RAPGEF5: variants seen among roughly 807,000 people sequenced by gnomAD.
The protein encoded by RAPGEF5 is M-Ras-regulated GEF.
Under a neutral mutation model 125.2 loss-of-function variants are expected in RAPGEF5, and 65 were observed. That is an observed-to-expected ratio of 0.52 (90% confidence interval 0.43 to 0.64). The LOEUF is 0.64. Ranked by LOEUF, RAPGEF5 falls within the 30% of genes least tolerant of loss-of-function variation. RAPGEF5 has a pLI of 0.00. For missense variants in RAPGEF5, 958 were observed against 1,048.1 expected (o/e 0.91, Z 1.19); for synonymous variants, 391 against 385.9 (o/e 1.01, Z -0.16).
intron 7 of RAPGEF5, among the ~76,000 whole-genome samples, chr7:22,239,876 G>A (rs1027916975): frequency 3.9e-5 from 6 of 151,968 alleles, no homozygotes; most frequent in Non-Finnish European, 7.4e-5. Context: ...CCAGTAGCCC[G>A]TTTCATTGCC....
intron 6 of RAPGEF5, among the ~76,000 whole-genome samples, chr7:22,275,734 C>G (rs998996203): frequency 3.3e-5 from 5 of 152,100 alleles, no homozygotes; most frequent in African/African-American, 4.8e-5. Flanking sequence ...GTTCATGTCA[C>G]CTGGGAGTTG....
chr7:22,159,652 G>A (rs897986753), intron 14 of RAPGEF5, among the ~76,000 whole-genome samples: 25 of 152,142 alleles, frequency 1.6e-4, no homozygotes, highest in Admixed American at 2.6e-4. Flanking sequence ...GGGACTTAAT[G>A]GTAATATCGC....
chr7:22,274,149 T>C (rs1415550961), intron 6 of RAPGEF5, among the ~76,000 whole-genome samples: 2 of 152,178 alleles, frequency 1.3e-5, no homozygotes, highest in Non-Finnish European at 2.9e-5. Context: ...AAGACTTTGA[T>C]GTCCCTTAGT....
chr7:22,212,034 T>G (rs1218954072), intron 9 of RAPGEF5, among the ~76,000 whole-genome samples: 1 of 146,472 alleles, frequency 6.8e-6, no homozygotes, highest in Non-Finnish European at 1.5e-5. Flanking sequence ...TGGCACAATC[T>G]CGGCTCACCA....
chr7:22,191,736 G>C, intron 11 of RAPGEF5: 2 of 459,338 alleles, frequency 4.4e-6, no homozygotes, highest in Admixed American at 2.4e-5. Context: ...CAATAATAAG[G>C]GTGATTTGTC....
chr7:22,145,665 G>A (rs1783411325), intron 19 of RAPGEF5, among the ~76,000 whole-genome samples: 1 of 152,156 alleles, frequency 6.6e-6, no homozygotes. Flanking sequence ...AGGATCACCT[G>A]GAGGACTGCT....
At chr7:22,160,684 A>G in intron 13 of RAPGEF5, 69 bp from the exon 14 acceptor site, 1 of 1,429,784 alleles carries the variant, frequency 7.0e-7, no homozygotes, top group Non-Finnish European at 9.1e-7. Context: ...GACTCATACC[A>G]TGGCTATCCT....
intron 6 of RAPGEF5, among the ~76,000 whole-genome samples, chr7:22,274,949 G>A (rs1048320621): frequency 9.9e-5 from 15 of 152,058 alleles, no homozygotes; most frequent in African/African-American, 3.6e-4. Flanking sequence ...CTTCTGGTCG[G>A]GTCTTCAGTA....
chr7:22,245,809 C>T (rs1291881350), intron 7 of RAPGEF5, among the ~76,000 whole-genome samples: 2 of 152,096 alleles, frequency 1.3e-5, no homozygotes, highest in South Asian at 4.1e-4. Context: ...AAAACTATCT[C>T]TCTTCACTGA....
intron 25 of RAPGEF5, among the ~76,000 whole-genome samples, chr7:22,123,804 T>C (rs1282475815): frequency 2.0e-5 from 3 of 152,226 alleles, no homozygotes; most frequent in Non-Finnish European, 4.4e-5. Context: ...GATAACACGA[T>C]GCTACAAAGG....
chr7:22,190,408 G>A (rs1784956624), intron 11 of RAPGEF5, among the ~76,000 whole-genome samples: 1 of 152,226 alleles, frequency 6.6e-6, no homozygotes, highest in African/African-American at 2.4e-5. Flanking sequence ...TACATAGTAG[G>A]TGTGTGCGAG....
At chr7:22,189,141 A>C (rs1171286876) in intron 11 of RAPGEF5, among the ~76,000 whole-genome samples, 1 of 149,930 alleles carries the variant, frequency 6.7e-6, no homozygotes, top group Non-Finnish European at 1.5e-5. Flanking sequence ...TATTCCTACT[A>C]TTCTATTCTC....
intron 6 of RAPGEF5, among the ~76,000 whole-genome samples, chr7:22,277,080 C>T (rs1195013890): frequency 6.6e-6 from 1 of 152,200 alleles, no homozygotes; most frequent in African/African-American, 2.4e-5. Flanking sequence ...GAGGCTGAAG[C>T]ATTTCAGTGA....
chr7:22,290,313 A>G (rs775007560), intron 6 of RAPGEF5, among the ~76,000 whole-genome samples: 5 of 152,244 alleles, frequency 3.3e-5, no homozygotes, highest in African/African-American at 1.2e-4. Flanking sequence ...GTCAATAGGT[A>G]CAAGTTTGGT....
At chr7:22,205,440 C>T (rs1288660322) in intron 9 of RAPGEF5, among the ~76,000 whole-genome samples, 2 of 152,188 alleles carry the variant, frequency 1.3e-5, no homozygotes, top group African/African-American at 2.4e-5. Context: ...TCAAACCACC[C>T]ACAATTTCCT....
intron 6 of RAPGEF5, among the ~76,000 whole-genome samples, chr7:22,288,260 T>C (rs1583550803): frequency 6.6e-6 from 1 of 152,240 alleles, no homozygotes; most frequent in East Asian, 1.9e-4. Context: ...TCTACTCGGG[T>C]CTTCAATCTG....
chr7:22,271,291 A>G (rs1782413173), intron 6 of RAPGEF5, among the ~76,000 whole-genome samples: 1 of 152,210 alleles, frequency 6.6e-6, no homozygotes, highest in Non-Finnish European at 1.5e-5. Context: ...TATTGCATCC[A>G]GGGTGAGAAA....
Position 22,244,011 on chromosome 7 carries a change from T to C in RAPGEF5, c.797-13092A>G, listed in dbSNP as rs367881018. On this transcript the variant is annotated intron_variant, in intron 7 of 25. Coordinates refer to ENST00000665637, the MANE Select transcript of RAPGEF5 (RefSeq NM_012294.5). ...TAAGTTCTACTTTCTAAGTTCCACT[T>C]TCTAAGGTTCCCACACGTAAGTGAG... Among the ~76,000 whole-genome samples, 10 of 152,318 alleles carry C rather than the reference T, an allele frequency of 6.6e-5. No homozygotes were observed. The East Asian group carries it at 1.5e-3, about 24-fold the overall frequency.
At position 22,120,565 on chromosome 7, in the gene RAPGEF5, T is replaced by G. The variant is rs1035408899; in HGVS notation, c.*1841A>C. 6.6e-6 allele frequency: 1 copy of G among 152,628 alleles called. No individual in the cohort carries two copies. Among genetic ancestry groups the G allele is most frequent in the African/African-American group, 2.4e-5 (1 of 41,422 alleles). The allele number at this position is 152,628 out of a possible 1,614,324, so 9.5% of individuals were successfully genotyped here. A position where few individuals can be genotyped will look rare whatever the true frequency, so the allele number is the denominator to read the frequency against. ...GCCCATGCTATTGTTAGTAACTGCG[T>G]GAGGAGGGCTTTGGAGGGTTTGCTC... On this transcript the variant is annotated 3_prime_UTR_variant, in exon 26 of 26. Transcript: ENST00000665637. This position sits in a 1 kb window ranked among gnomAD's most constrained non-coding sequence, Gnocchi z 4.0.
Sources: gnomAD v4.1 joint callset for allele counts (sites outside exome capture counted in the v4.1 genomes callset) on GRCh38, gnomAD v4.1.1 for gene constraint, Gnocchi (gnomAD v3.1) non-coding constraint, MANE v1.5 for transcripts, NCBI Gene and HGNC (gene_info 2026-07-23, HGNC 2026-07-21) for gene names.